The following FOXP2 variants were observed in gnomAD, a reference collection of about 807,000 sequenced individuals.
FOXP2 encodes the protein forkhead box protein P2.
Under a neutral mutation model 115.8 loss-of-function variants are expected in FOXP2, and 12 were observed. The ratio of observed to expected loss-of-function variants is 0.10; its 90% CI spans 0.07 to 0.17. FOXP2 has a LOEUF of 0.17. Ranked by LOEUF, FOXP2 falls within the 10% of genes least tolerant of loss-of-function variation. The probability of loss-of-function intolerance (pLI) is 1.00; values close to 1 mark genes in which losing one functional copy is unlikely to be tolerated. For synonymous variants in FOXP2, 328 were observed against 297.7 expected (o/e 1.10, Z -1.05); for missense variants, 629 against 843.5 (o/e 0.75, Z 3.15).
At position 114,629,933 on chromosome 7, in the gene FOXP2, G is replaced by A. The variant is rs778496902; in HGVS notation, c.525G>A (p.Gln175=). The change falls in exon 5 of 17, where the codon CAG becomes CAA. Residue 175 remains glutamine (Q), a synonymous_variant. Coordinates refer to ENST00000350908, the MANE Select transcript of FOXP2 (RefSeq NM_014491.4). ...QQQQQQQQQQ[Q]QQQQQQQQQQ... ...AGCAGCAGCAACAACAACAACAACA[G>A]CAGCAACAACAGCAGCAGCAGCAGC... 116 of 1,611,314 alleles carry A rather than the reference G, an allele frequency of 7.2e-5. 1 individual carries two copies. Among genetic ancestry groups the A allele is most frequent in the South Asian group, 1.6e-4 (15 of 90,930 alleles).
intron 2 of FOXP2, among the ~76,000 whole-genome samples, chr7:114,437,317 T>C (rs1436637751): frequency 6.6e-6 from 1 of 152,214 alleles, no homozygotes; most frequent in Non-Finnish European, 1.5e-5. Context: ...TTGTAGTTTG[T>C]AAGAATCTTT....
chr7:114,317,187 A>G (rs909112007), intron 2 of FOXP2, among the ~76,000 whole-genome samples: 25 of 152,134 alleles, frequency 1.6e-4, no homozygotes, highest in African/African-American at 6.0e-4. Flanking sequence ...GTACCTAGTG[A>G]GATTTCTGTG....
intron 1 of FOXP2, among the ~76,000 whole-genome samples, chr7:114,113,670 TTTA>T (rs1308431653): frequency 2.6e-5 from 4 of 151,950 alleles, no homozygotes. Flanking sequence ...TATCTGGATA[TTTA>T]TTATTATTTT....
chr7:114,624,558 C>T (rs945181935), intron 3 of FOXP2, among the ~76,000 whole-genome samples: 1 of 151,780 alleles, frequency 6.6e-6, no homozygotes, highest in African/African-American at 2.4e-5. Context: ...AATATGCAAG[C>T]CCAGCACATT....
At chr7:114,177,304 C>T (rs907767381) in intron 1 of FOXP2, among the ~76,000 whole-genome samples, 2 of 152,008 alleles carry the variant, frequency 1.3e-5, no homozygotes, top group Admixed American at 1.3e-4. Context: ...TAGACATTAC[C>T]AACCAGTCTT....
chr7:114,202,106 G>A (rs144410101), intron 1 of FOXP2, among the ~76,000 whole-genome samples: 171 of 152,354 alleles, frequency 1.1e-3, no homozygotes, highest in African/African-American at 3.7e-3. Context: ...GGATCTGGAT[G>A]AGTACTGATG....
chr7:114,216,312 C>G (rs1399051850), intron 1 of FOXP2, among the ~76,000 whole-genome samples: 1 of 152,048 alleles, frequency 6.6e-6, no homozygotes, highest in African/African-American at 2.4e-5. Flanking sequence ...TGAATTTTTC[C>G]TGAAGTTTTT....
chr7:114,366,989 TA>T, intron 2 of FOXP2, among the ~76,000 whole-genome samples: 1 of 152,268 alleles, frequency 6.6e-6, no homozygotes, highest in South Asian at 2.1e-4. Flanking sequence ...AAATTCCACT[TA>T]ACTATTTAGA....
chr7:114,455,292 TC>T (rs1795264045), intron 2 of FOXP2, among the ~76,000 whole-genome samples: 1 of 152,200 alleles, frequency 6.6e-6, no homozygotes, highest in Non-Finnish European at 1.5e-5. Flanking sequence ...TGGTCATCCT[TC>T]CACTCCACCC....
At chr7:114,299,815 G>A (rs1796833916) in intron 2 of FOXP2, among the ~76,000 whole-genome samples, 1 of 151,968 alleles carries the variant, frequency 6.6e-6, no homozygotes, top group Non-Finnish European at 1.5e-5. Context: ...GGAAAACAGG[G>A]ATGGAAGTTT....
chr7:114,425,613 A>G (rs755075305), intron 1 of FOXP2, among the ~76,000 whole-genome samples: 2 of 151,656 alleles, frequency 1.3e-5, no homozygotes, highest in Admixed American at 1.3e-4. Context: ...AATATGCATA[A>G]TTTATGCTGT....
chr7:114,134,691 C>T (rs920545574), intron 1 of FOXP2, among the ~76,000 whole-genome samples: 19 of 132,494 alleles, frequency 1.4e-4, no homozygotes, highest in Non-Finnish European at 2.5e-4. Context: ...CCAGCCTGGG[C>T]GACAGAGCGA....
At chr7:114,283,081 G>A (rs1796380493) in intron 1 of FOXP2, among the ~76,000 whole-genome samples, 1 of 152,124 alleles carries the variant, frequency 6.6e-6, no homozygotes, top group Non-Finnish European at 1.5e-5. Context: ...AAACTTGTGA[G>A]TTTGTTGCCT....
At chr7:114,287,475 G>T (rs1173351472) in intron 1 of FOXP2, among the ~76,000 whole-genome samples, 1 of 151,876 alleles carries the variant, frequency 6.6e-6, no homozygotes, top group African/African-American at 2.4e-5. Flanking sequence ...ACTAGAAAAC[G>T]AGAGTAGTTG....
chr7:114,605,841 T>C (rs927839720), intron 3 of FOXP2, among the ~76,000 whole-genome samples: 13 of 152,124 alleles, frequency 8.5e-5, no homozygotes, highest in African/African-American at 3.1e-4. Flanking sequence ...ACTATCTTCT[T>C]TAGGATTGAG....
chr7:114,108,696 A>T (rs978685206), intron 1 of FOXP2, among the ~76,000 whole-genome samples: 1 of 151,972 alleles, frequency 6.6e-6, no homozygotes. Context: ...CAATCATAAT[A>T]GTTTCCTAGT....
In FOXP2 at chr7:114,611,161, A is replaced by G. The variant is rs573251220; in HGVS notation, c.259-17379A>G. 2.0e-5 allele frequency among the ~76,000 whole-genome samples: 3 copies of G among 152,162 alleles called. No homozygotes were observed. The East Asian group carries it at 5.8e-4, about 29-fold the overall frequency. On this transcript the variant is annotated intron_variant, in intron 3 of 16. Coordinates refer to ENST00000350908, the MANE Select transcript of FOXP2 (RefSeq NM_014491.4). The stretch of plus-strand genomic sequence containing the variant: ...TTTATGAATGTGCCAAAAGAAATGC[A>G]TATGTAAACTCATTTGCCATATTGG...
At chr7:114,392,511 T>G (rs544538642) in intron 2 of FOXP2, among the ~76,000 whole-genome samples, 1 of 152,212 alleles carries the variant, frequency 6.6e-6, no homozygotes, top group Non-Finnish European at 1.5e-5. Context: ...AGTTCCCCTA[T>G]GAAGCAGAAT....
At chr7:114,535,563 G>A (rs1447856324) in intron 3 of FOXP2, among the ~76,000 whole-genome samples, 1 of 151,406 alleles carries the variant, frequency 6.6e-6, no homozygotes, top group Non-Finnish European at 1.5e-5. Context: ...TTATGGCCCA[G>A]CTGTCTGTTT....
Sources: gnomAD v4.1 joint callset for allele counts (sites outside exome capture counted in the v4.1 genomes callset) on GRCh38, gnomAD v4.1.1 for gene constraint, MANE v1.5 for transcripts, NCBI Gene and HGNC (gene_info 2026-07-23, HGNC 2026-07-21) for gene names.